The following SSH3 variants were observed in gnomAD, a reference collection of about 807,000 sequenced individuals.
SSH3 encodes protein phosphatase Slingshot homolog 3.
A neutral mutation model predicts 75.0 loss-of-function variants in SSH3; 67 were observed. That is an observed-to-expected ratio of 0.89 (90% CI 0.73 to 1.10). The LOEUF is 1.10. Ranked by LOEUF, SSH3 falls within the 50% of genes least tolerant of loss-of-function variation. The probability of loss-of-function intolerance (pLI) is 0.00; values close to 1 mark genes in which losing one functional copy is unlikely to be tolerated. For synonymous variants in SSH3, 318 were observed against 349.2 expected (o/e 0.91, Z 1.00); for missense variants, 824 against 872.7 (o/e 0.94, Z 0.70).
At chr11:67,309,059 C>T (rs1376536790) in intron 10 of SSH3, among the ~76,000 whole-genome samples, 1 of 152,206 alleles carries the variant, frequency 6.6e-6, no homozygotes, top group Non-Finnish European at 1.5e-5. Context: ...GCTTCTGGGA[C>T]CTGCTGTAGC....
In SSH3 at chr11:67,310,207, G is replaced by C; in HGVS notation, c.1551G>C (p.Glu517Asp). Reference protein sequence around the residue: ...GGEEKVVGMEESQAAPKEEPG... With the variant: ...GGEEKVVGMEDSQAAPKEEPG... ...AGGAGAAGGTTGTAGGCATGGAAGA[G>C]AGCCAGGCAGCCCCGAAAGAAGAGC... Residue 517 changes from glutamate (E) to aspartate (D), a missense_variant, in exon 13 of 14, where the codon GAG becomes GAC. Glu to Asp is a conservative substitution (Grantham distance 45). Coordinates refer to ENST00000308127, the MANE Select transcript of SSH3 (RefSeq NM_017857.4). 1.9e-6 allele frequency: 3 copies of C among 1,614,238 alleles called. No individual in the cohort carries two copies. Among genetic ancestry groups the C allele is most frequent in the Non-Finnish European group, 2.5e-6 (3 of 1,180,044 alleles).
chr11:67,305,105 T>TG, intron 3 of SSH3, 98 bp downstream of exon 3: 1 of 1,228,400 alleles, frequency 8.1e-7, no homozygotes, highest in Non-Finnish European at 1.1e-6. Context: ...AGCAATGGTG[T>TG]GAGGGCAGGG....
Position 67,304,782 on chromosome 11 carries a change from TGCGGTGCTCC to T in SSH3, c.116_125del (p.Ala39ValfsTer64), listed in dbSNP as rs1432816513. On this transcript the variant is annotated frameshift_variant, in exon 3 of 14. Transcript: ENST00000308127. LOFTEE classifies it high-confidence loss of function. Reference sequence around the variant, plus strand: ...CCCACTGCCCTGCCAGGCAGAGCTTTGCGGTGCTCCGTGGGGCTGTCCTGGGACTGCAGGA... The same window carrying T: ...CCCACTGCCCTGCCAGGCAGAGCTTTGTGGGGCTGTCCTGGGACTGCAGGA... 1 of 1,604,420 alleles carries T rather than the reference TGCGGTGCTCC, an allele frequency of 6.2e-7. No homozygotes were observed. The highest frequency in any genetic ancestry group is 8.5e-7 in the Non-Finnish European group (1 of 1,176,200).
rs139505782 is a variant in SSH3, at chr11:67,304,915, C to G, written c.247C>G (p.Gln83Glu). 1.9e-6 allele frequency: 3 copies of G among 1,613,630 alleles called. No homozygotes were observed. Among genetic ancestry groups the G allele is most frequent in the Non-Finnish European group, 2.5e-6 (3 of 1,180,010 alleles). The change falls in exon 3 of 14, where the codon CAA (glutamine) becomes GAA (glutamate). Residue 83 changes from glutamine (Q) to glutamate (E), a missense_variant. By Grantham distance (29) the Gln-to-Glu change is conservative (BLOSUM62 2). Transcript: ENST00000308127. Reference protein sequence around the residue: ...ELHGDQTDFGQGSQSPQKQEE... With the variant: ...ELHGDQTDFGEGSQSPQKQEE... ...CCACGGGGACCAGACAGACTTCGGGCAAGGATCCCAGAGTCCCCAGAAGCA... is the reference window on the plus strand; with the variant it reads ...CCACGGGGACCAGACAGACTTCGGGGAAGGATCCCAGAGTCCCCAGAAGCA...
chr11:67,303,854 CG>C (rs1861141076), intron 1 of SSH3, 163 bp downstream of exon 1: 1 of 792,224 alleles, frequency 1.3e-6, no homozygotes, highest in African/African-American at 1.9e-5. Context: ...GTACTGGCGC[CG>C]GGGCACAATC....
In SSH3 at chr11:67,304,170, C is replaced by T. The variant is rs1861157088; in HGVS notation, c.104+15C>T. 6.3e-7 allele frequency: 1 copy of T among 1,586,342 alleles called. No homozygotes were observed. Among genetic ancestry groups the T allele is most frequent in the Non-Finnish European group, 8.6e-7 (1 of 1,165,192 alleles). On this transcript the variant is annotated intron_variant, in intron 2 of 13. Transcript: ENST00000308127. ...CTCCAGCGAAGGTGAGCGCCACCTC[C>T]CCCACGCAGACACTTCCGTCTGCCC...
chr11:67,304,042 A>G, intron 1 of SSH3, 76 bp from the exon 2 acceptor site: 2 of 1,508,666 alleles, frequency 1.3e-6, no homozygotes, highest in African/African-American at 1.4e-5. Context: ...GCCTCCCCCA[A>G]CTCTAGAATT....
rs752370350 is a variant in SSH3 at position 67,307,743 on chromosome 11, T to C, written c.791+6T>C. 17 of 1,612,736 alleles carry C rather than the reference T, an allele frequency of 1.1e-5. No homozygotes were observed. The highest frequency in any genetic ancestry group is 5.5e-5 in the South Asian group (5 of 91,020). On this transcript the variant is annotated splice_donor_region_variant and intron_variant, in intron 7 of 13. Transcript: ENST00000308127. This position sits in a 1 kb window ranked among gnomAD's most constrained non-coding sequence, Gnocchi z 4.2. ...CCCAGCGCCGAGCCTGGCGGGTCAG[T>C]GTGTGGAGGGGAGGGACTGGGTGGA...
intron 2 of SSH3, 47 bp from the exon 3 acceptor site, chr11:67,304,726 C>T (rs1479637613): frequency 2.6e-6 from 4 of 1,541,950 alleles, no homozygotes; most frequent in Admixed American, 2.0e-5. Flanking sequence ...AGAGCCCCTA[C>T]CCTAAGGGGA....
intron 1 of SSH3, 65 bp from the exon 2 acceptor site, chr11:67,304,053 C>A (rs544375464): frequency 6.5e-7 from 1 of 1,527,652 alleles, no homozygotes; most frequent in South Asian, 1.2e-5. Flanking sequence ...CTCTAGAATT[C>A]CTGAGAGAGG....
chr11:67,309,245 A>C, intron 10 of SSH3, 152 bp from the exon 11 acceptor site: 1 of 926,646 alleles, frequency 1.1e-6, no homozygotes, highest in Non-Finnish European at 1.6e-6. Context: ...CAGCCAGGTG[A>C]CAGCTGGGTC....
At position 67,308,544 on chromosome 11, in the gene SSH3, C is replaced by T; in HGVS notation, c.1061+86C>T. On this transcript the variant is annotated intron_variant, in intron 10 of 13. Transcript: ENST00000308127. The surrounding 1 kb of genome is among the most constrained non-coding windows in gnomAD (Gnocchi z 4.9). ...TTGGGTGGTAGCCAGCTTCAAAAAC[C>T]CCTGGACCACCCTCAGCAGCTGCTA... is the stretch of plus-strand genomic sequence containing the variant. 1 of 1,500,236 alleles carries T rather than the reference C, an allele frequency of 6.7e-7. No individual in the cohort carries two copies. Among genetic ancestry groups the T allele is most frequent in the Admixed American group, 2.0e-5 (1 of 50,390 alleles). The allele number at this position is 1,500,236 out of a possible 1,614,324, so 92.9% of individuals were successfully genotyped here. A position where few individuals can be genotyped will look rare whatever the true frequency, so the allele number is the denominator to read the frequency against.
Position 67,303,582 on chromosome 11 carries a change from G to A in SSH3, c.-44G>A. On this transcript the variant is annotated 5_prime_UTR_variant, in exon 1 of 14. Coordinates refer to ENST00000308127, the MANE Select transcript of SSH3 (RefSeq NM_017857.4). ...AGGACTGTCCGCGGGGTTGAGGGAA[G>A]GGGCCGTGCCCGGTGCCAGCCCAGG... is the stretch of plus-strand genomic sequence containing the variant. 4 of 1,511,508 alleles carry A rather than the reference G, an allele frequency of 2.6e-6. No individual in the cohort carries two copies. Among genetic ancestry groups the A allele is most frequent in the Non-Finnish European group, 3.5e-6 (4 of 1,134,064 alleles). 93.6% of individuals were successfully genotyped at this position (1,511,508 alleles called of 1,614,324 possible). A position where few individuals can be genotyped will look rare whatever the true frequency, so the allele number is the denominator to read the frequency against.
At position 67,307,060 on chromosome 11, in the gene SSH3, G is replaced by T. The variant is rs1861266617; in HGVS notation, c.483G>T (p.Leu161=). The part of the protein sequence containing the change: ...FPDSSSPSCT[L]GLVLPLWSDT... The stretch of plus-strand genomic sequence containing the variant: ...CTGCCAGCTCCCCCAGCTGCACCCT[G>T]GGCCTGGTCTTGCCCCTCTGGAGTG... The change falls in exon 5 of 14, where the codon CTG becomes CTT. Residue 161 remains leucine, a synonymous_variant. Transcript: ENST00000308127. The surrounding 1 kb of genome is among the most constrained non-coding windows in gnomAD (Gnocchi z 4.2). The T allele has an allele frequency of 6.2e-7, 1 of 1,614,124 alleles. No individual in the cohort carries two copies. Among genetic ancestry groups the T allele is most frequent in the East Asian group, 2.2e-5 (1 of 44,886 alleles).
rs1434294444 is a variant in SSH3, at chr11:67,309,976, A to G, written c.1409+8A>G. ...GGGCATCCTGACGGCCAGGTATGGGATGGGAGCGAGTGGCAGGGGGTGAGT... is the reference window on the plus strand; with the variant it reads ...GGGCATCCTGACGGCCAGGTATGGGGTGGGAGCGAGTGGCAGGGGGTGAGT... On this transcript the variant is annotated splice_region_variant and intron_variant, in intron 12 of 13. Transcript: ENST00000308127. 6.2e-7 allele frequency: 1 copy of G among 1,610,338 alleles called. No individual in the cohort carries two copies. Among genetic ancestry groups the G allele is most frequent in the East Asian group, 2.2e-5 (1 of 44,880 alleles).
Position 67,307,171 on chromosome 11 carries a change from T to C in SSH3, c.536+58T>C. 1.2e-6 allele frequency: 2 copies of C among 1,600,978 alleles called. No homozygotes were observed. The highest frequency in any genetic ancestry group is 1.7e-5 in the Admixed American group (1 of 59,678). On this transcript the variant is annotated intron_variant, in intron 5 of 13. Coordinates refer to ENST00000308127, the MANE Select transcript of SSH3 (RefSeq NM_017857.4). This position sits in a 1 kb window ranked among gnomAD's most constrained non-coding sequence, Gnocchi z 4.2. Reference sequence around the variant, plus strand: ...GGGTGGAATAACTGAGTGTGACGGATGTGACGGGGCCTGGGCACCAGGGTA... The same window carrying C: ...GGGTGGAATAACTGAGTGTGACGGACGTGACGGGGCCTGGGCACCAGGGTA...
In SSH3 at chr11:67,312,074, A is replaced by G. The variant is rs986253278; in HGVS notation, c.*187A>G. The G allele has an allele frequency of 8.1e-5, 62 of 768,990 alleles. 1 individual carries two copies. Among genetic ancestry groups the G allele is most frequent in the Admixed American group, 3.0e-5 (1 of 33,218 alleles). 47.6% of individuals were successfully genotyped at this position (768,990 alleles called of 1,614,324 possible). ...CCCTGTCACTACAGCCTCACCTCCT[A>G]CAGCCTTAAGTCCCAGGCCCATGTC... On this transcript the variant is annotated 3_prime_UTR_variant, in exon 14 of 14. Transcript: ENST00000308127.
At chr11:67,309,746 T>C (rs1861357762) in intron 11 of SSH3, 22 bp from the exon 12 acceptor site, 1 of 1,611,096 alleles carries the variant, frequency 6.2e-7, no homozygotes, top group Non-Finnish European at 8.5e-7. Context: ...GGGAGGGTGC[T>C]GAACCTGGCC....
At chr11:67,305,045 G>A (rs1352679289) in intron 3 of SSH3, 38 bp downstream of exon 3, 2 of 1,574,238 alleles carry the variant, frequency 1.3e-6, no homozygotes, top group Middle Eastern at 2.1e-4. Flanking sequence ...GTGGGGGGAA[G>A]AGACACGCCT....
Sources: gnomAD v4.1 joint callset for allele counts (sites outside exome capture counted in the v4.1 genomes callset) on GRCh38, gnomAD v4.1.1 for gene constraint, Gnocchi (gnomAD v3.1) non-coding constraint, MANE v1.5 for transcripts, NCBI Gene and HGNC (gene_info 2026-07-23, HGNC 2026-07-21) for gene names.